FOXN3: variants seen among roughly 807,000 people sequenced by gnomAD.
FOXN3 encodes forkhead box N3, also known as forkhead box protein N3.
In FOXN3, 7 loss-of-function variants were observed where a neutral mutation model predicts 38.4. The ratio of observed to expected loss-of-function variants is 0.18; its 90% CI spans 0.10 to 0.34. The LOEUF (loss-of-function observed/expected upper bound fraction) is 0.34, where lower values mean the gene tolerates loss of function less well. Among genes scored for constraint, FOXN3 ranks in the 10% least tolerant of loss-of-function variants. The pLI, the probability that FOXN3 is intolerant of heterozygous loss-of-function variation, is 1.00. For synonymous variants in FOXN3, 230 were observed against 242.2 expected, an observed-to-expected ratio of 0.95 and a Z score of 0.47; for missense variants, 456 against 613.4, an observed-to-expected ratio of 0.74 and a Z score of 2.71.
At chr14:89,587,696 C>T (rs773725517) in intron 1 of FOXN3, among the ~76,000 whole-genome samples, 1 of 151,926 alleles carries the variant, frequency 6.6e-6, no homozygotes, top group Non-Finnish European at 1.5e-5. Flanking sequence ...GGGGAAACCT[C>T]GTCTCTACTA....
chr14:89,250,442 T>C (rs1885420293), intron 4 of FOXN3, among the ~76,000 whole-genome samples: 1 of 152,224 alleles, frequency 6.6e-6, no homozygotes, highest in African/African-American at 2.4e-5. Flanking sequence ...AGCATAAACA[T>C]ATAAGAATAT....
intron 1 of FOXN3, among the ~76,000 whole-genome samples, chr14:89,460,403 G>A (rs182924512): frequency 6.6e-6 from 1 of 152,224 alleles, no homozygotes; most frequent in African/African-American, 2.4e-5. Flanking sequence ...CCCACACCTA[G>A]TTTCTTCCGG....
At chr14:89,535,226 G>A (rs1894661794) in intron 1 of FOXN3, among the ~76,000 whole-genome samples, 1 of 149,170 alleles carries the variant, frequency 6.7e-6, no homozygotes, top group Admixed American at 6.7e-5. Context: ...TTAAGTTAAG[G>A]TGAAATTTCA....
At chr14:89,547,615 T>C (rs560220222) in intron 1 of FOXN3, among the ~76,000 whole-genome samples, 9 of 152,310 alleles carry the variant, frequency 5.9e-5, no homozygotes, top group African/African-American at 1.9e-4. Context: ...GATTTATTGA[T>C]AATAGCATCC....
chr14:89,360,716 T>TACCTCCACCACC (rs1467474604), intron 2 of FOXN3, among the ~76,000 whole-genome samples: 2 of 93,260 alleles, frequency 2.1e-5, no homozygotes, highest in South Asian at 3.9e-4. Context: ...CCTCCAGCAC[T>TACCTCCACCACC]ACCTCCACCA....
chr14:89,581,710 T>G (rs1365585320), intron 1 of FOXN3, among the ~76,000 whole-genome samples: 1 of 152,118 alleles, frequency 6.6e-6, no homozygotes. Context: ...TTTGGCACAT[T>G]CTCTTATACC....
chr14:89,266,826 T>C (rs1334106564), intron 4 of FOXN3, among the ~76,000 whole-genome samples: 1 of 151,900 alleles, frequency 6.6e-6, no homozygotes, highest in Non-Finnish European at 1.5e-5. Context: ...AACTGTGCAC[T>C]TCTCCATCAC....
chr14:89,213,929 C>T (rs1382251719), intron 4 of FOXN3, among the ~76,000 whole-genome samples: 1 of 152,148 alleles, frequency 6.6e-6, no homozygotes, highest in African/African-American at 2.4e-5. Context: ...GATAATATTA[C>T]CATGTACATT....
Position 89,372,509 on chromosome 14 carries a change from T to C in FOXN3, c.544-21701A>G, listed in dbSNP as rs996910556. Among the ~76,000 whole-genome samples the C allele has an allele frequency of 3.9e-5, 6 of 152,222 alleles. No individual in the cohort carries two copies. In the South Asian group the frequency reaches 6.2e-4, roughly 16 times the overall value. Reference sequence around the variant, plus strand: ...AAACAAAATCTTACCTGAGCCACTATATAGAGTTGATATTAACTACATTTA... The same window carrying C: ...AAACAAAATCTTACCTGAGCCACTACATAGAGTTGATATTAACTACATTTA... On this transcript the variant is annotated intron_variant, in intron 2 of 5. Transcript: ENST00000557258.
At chr14:89,535,075 C>G (rs532039639) in intron 1 of FOXN3, among the ~76,000 whole-genome samples, 1 of 152,324 alleles carries the variant, frequency 6.6e-6, no homozygotes, top group East Asian at 1.9e-4. Context: ...ATGAATTACA[C>G]TTACGCAGTG....
At chr14:89,556,595 A>C (rs1895131258) in intron 1 of FOXN3, among the ~76,000 whole-genome samples, 1 of 152,112 alleles carries the variant, frequency 6.6e-6, no homozygotes, top group Non-Finnish European at 1.5e-5. Flanking sequence ...AGAATGAATA[A>C]ATAAATGAAT....
At chr14:89,604,261 G>A (rs999249626) in intron 1 of FOXN3, among the ~76,000 whole-genome samples, 11 of 147,868 alleles carry the variant, frequency 7.4e-5, no homozygotes, top group African/African-American at 2.3e-4. Context: ...ACACACGCGC[G>A]CGCACACACA....
At chr14:89,350,425 C>T (rs1888923493) in intron 3 of FOXN3, 1 of 340,498 alleles carries the variant, frequency 2.9e-6, no homozygotes, top group East Asian at 4.5e-5. Flanking sequence ...AATGTTTCTA[C>T]CCAGGAAGAC....
At chr14:89,440,790 A>G (rs7156034) in intron 1 of FOXN3, among the ~76,000 whole-genome samples, 53,758 of 152,094 alleles carry the variant, frequency 0.35, 10,002 homozygotes, top group East Asian at 0.57. Context: ...CTCTTCACAC[A>G]GATGCCATGA....
At chr14:89,328,738 T>C (rs960156989) in intron 3 of FOXN3, among the ~76,000 whole-genome samples, 1 of 152,174 alleles carries the variant, frequency 6.6e-6, no homozygotes, top group African/African-American at 2.4e-5. Context: ...CCCTTAGGAA[T>C]CCATCTGGGG....
At chr14:89,265,340 G>A (rs1596140982) in intron 4 of FOXN3, among the ~76,000 whole-genome samples, 1 of 152,192 alleles carries the variant, frequency 6.6e-6, no homozygotes, top group South Asian at 2.1e-4. Flanking sequence ...AAATAGGCTT[G>A]GACAGGCTCT....
chr14:89,355,789 A>G (rs1277390787), intron 2 of FOXN3, among the ~76,000 whole-genome samples: 1 of 152,224 alleles, frequency 6.6e-6, no homozygotes, highest in African/African-American at 2.4e-5. Context: ...AAAGTTTGGT[A>G]TCCACTGATC....
At chr14:89,471,449 T>A (rs556358047) in intron 1 of FOXN3, among the ~76,000 whole-genome samples, 1 of 152,072 alleles carries the variant, frequency 6.6e-6, no homozygotes, top group African/African-American at 2.4e-5. Context: ...ACAGTTTTTT[T>A]ATATTTTTTA....
At chr14:89,239,183 G>T (rs1485790593) in intron 4 of FOXN3, among the ~76,000 whole-genome samples, 1 of 152,170 alleles carries the variant, frequency 6.6e-6, no homozygotes, top group Non-Finnish European at 1.5e-5. Flanking sequence ...CACAAGAGCT[G>T]AATTGGTATC....
Sources: gnomAD v4.1 joint callset for allele counts (sites outside exome capture counted in the v4.1 genomes callset) on GRCh38, gnomAD v4.1.1 for gene constraint, MANE v1.5 for transcripts, NCBI Gene and HGNC (gene_info 2026-07-23, HGNC 2026-07-21) for gene names.